The following NKPD1 variants were observed in gnomAD, a reference collection of about 807,000 sequenced individuals.
NKPD1 encodes the protein NTPase KAP family P-loop domain-containing protein 1.
A neutral mutation model predicts 42.2 loss-of-function variants in NKPD1; 37 were observed. The ratio of observed to expected loss-of-function variants is 0.88; its 90% CI spans 0.67 to 1.15. NKPD1 has a LOEUF of 1.15. Among genes scored for constraint, NKPD1 ranks in the 50% most tolerant of loss-of-function variants. The pLI is 0.00. For synonymous variants in NKPD1, 552 were observed against 536.5 expected (o/e 1.03, Z -0.40); for missense variants, 1,113 against 1,174.6 (o/e 0.95, Z 0.77).
rs34991759 is a variant in NKPD1 at position 45,157,719 on chromosome 19, C to CTTT, written c.529+941_529+943dup. 2.3e-3 allele frequency among the ~76,000 whole-genome samples: 189 copies of CTTT among 83,316 alleles called. 7 individuals are homozygous for CTTT. The highest frequency in any genetic ancestry group is 4.9e-3 in the African/African-American group (96 of 19,786). The allele number at this position is 83,316 out of a possible 152,430, so 54.7% of individuals were successfully genotyped here. A position where few individuals can be genotyped will look rare whatever the true frequency, so the allele number is the denominator to read the frequency against. On this transcript the variant is annotated intron_variant, in intron 3 of 4. Transcript: ENST00000686631. The stretch of plus-strand genomic sequence containing the variant: ...GCATGAGCCAGTGCGCCCAGACATA[C>CTTT]TTTTTTTTTTTTTTTTTTTTTTTGA...
chr19:45,153,671 A>G lies in NKPD1; in HGVS notation c.766T>C (p.Tyr256His). ...SGWGVPQLLW[Y>H]LVFLQPIITE... ...ATGATGGGCTGCAGGAACACCAGGT[A>G]CCACAGTAGCTGCGGGACGCCCCAG... is the stretch of plus-strand genomic sequence containing the variant. The change falls in exon 5 of 5, where the codon TAC becomes CAC. Residue 256 changes from tyrosine to histidine, a missense_variant. Coordinates refer to ENST00000686631, the MANE Select transcript of NKPD1 (RefSeq NM_198478.4). 1 of 1,571,242 alleles carries G rather than the reference A, an allele frequency of 6.4e-7. No individual in the cohort carries two copies. The highest frequency in any genetic ancestry group is 1.2e-5 in the South Asian group (1 of 86,296).
chr19:45,152,600 C>T lies in NKPD1; in HGVS notation c.1837G>A (p.Glu613Lys), dbSNP rs759030916. 3.8e-6 allele frequency: 6 copies of T among 1,582,892 alleles called. No homozygotes were observed. In the East Asian group the frequency reaches 9.3e-5, roughly 25 times the overall value. The change falls in exon 5 of 5, where the codon GAG becomes AAG. Residue 613 changes from glutamate (E) to lysine (K), a missense_variant. Glu to Lys is a moderately conservative substitution (Grantham distance 56). This residue lies in a region of NKPD1 where 867 missense variants were observed against 870.1 expected (regional missense o/e 1.00). Transcript: ENST00000686631. ...GACACCACGTTGTCGGGCACGTACT[C>T]GTAGAGGCAGTCGCGCTCGTCGTGA... is the stretch of plus-strand genomic sequence containing the variant. ...CLHDERDCLY[E>K]YVPDNVVSMR...
chr19:45,159,127 GGGCCTGTGTCCC>G, intron 2 of NKPD1, 27 bp from the exon 3 acceptor site: 1 of 1,256,388 alleles, frequency 8.0e-7, no homozygotes, highest in Non-Finnish European at 1.0e-6. Context: ...GGGGGTGACT[GGGCCTGTGTCCC>G]CGACCCCCGG....
Position 45,153,666 on chromosome 19 carries a change from C to T in NKPD1, c.771G>A (p.Leu257=). 6.4e-7 allele frequency: 1 copy of T among 1,574,632 alleles called. No individual in the cohort carries two copies. Among genetic ancestry groups the T allele is most frequent in the Non-Finnish European group, 8.6e-7 (1 of 1,160,382 alleles). Residue 257 remains leucine (L), a synonymous_variant, in exon 5 of 5, where the codon CTG becomes CTA. Transcript: ENST00000686631. ...GWGVPQLLWY[L]VFLQPIITEV... The stretch of plus-strand genomic sequence containing the variant: ...CGGTGATGATGGGCTGCAGGAACAC[C>T]AGGTACCACAGTAGCTGCGGGACGC...
At position 45,155,905 on chromosome 19, in the gene NKPD1, C is replaced by G. The variant is rs1968894484; in HGVS notation, c.541G>C (p.Glu181Gln). 1 of 1,304,922 alleles carries G rather than the reference C, an allele frequency of 7.7e-7. No homozygotes were observed. The highest frequency in any genetic ancestry group is 1.0e-6 in the Non-Finnish European group (1 of 988,654). The allele number at this position is 1,304,922 out of a possible 1,614,324, so 80.8% of individuals were successfully genotyped here. A position where few individuals can be genotyped will look rare whatever the true frequency, so the allele number is the denominator to read the frequency against. ...AGGCAGCTGCAGTAGACGTCATCCT[C>G]TGTCAGGATGTCTGGTGGTTGGGAG... The part of the protein sequence containing the change: ...FTAYSSDILT[E>Q]DDVYCSCLAK... The change falls in exon 4 of 5, where the codon GAG (glutamate) becomes CAG (glutamine). Residue 181 changes from glutamate to glutamine, a missense_variant. By Grantham distance (29) the Glu-to-Gln change is conservative. This residue lies in a region of NKPD1 where 42 missense variants were observed against 76.7 expected (regional missense o/e 0.55). Transcript: ENST00000686631.
In NKPD1 at chr19:45,150,308, T is replaced by C. The variant is rs1968755106; in HGVS notation, c.*1630A>G. On this transcript the variant is annotated 3_prime_UTR_variant, in exon 5 of 5. Coordinates refer to ENST00000686631, the MANE Select transcript of NKPD1 (RefSeq NM_198478.4). ...GGCTTCACCATGTTGGCCAGGCTGA[T>C]GCAGCTTCTTACTGAGGCATGGGGG... 2 of 152,202 alleles carry C rather than the reference T, an allele frequency of 1.3e-5. No individual in the cohort carries two copies. Among genetic ancestry groups the C allele is most frequent in the African/African-American group, 4.8e-5 (2 of 41,442 alleles). 9.4% of individuals were successfully genotyped at this position (152,202 alleles called of 1,614,324 possible).
intron 3 of NKPD1, 79 bp from the exon 4 acceptor site, chr19:45,155,995 C>T: frequency 8.2e-7 from 1 of 1,223,868 alleles, no homozygotes; most frequent in Non-Finnish European, 1.1e-6. Context: ...TCCATGGCCC[C>T]CACTATCAGC....
chr19:45,156,493 T>C lies in NKPD1; in HGVS notation c.530-577A>G, dbSNP rs946180639. Among the ~76,000 whole-genome samples, 13 of 152,318 alleles carry C rather than the reference T, an allele frequency of 8.5e-5. No individual in the cohort carries two copies. In the Middle Eastern group the frequency reaches 0.01, roughly 120 times the overall value. On this transcript the variant is annotated intron_variant, in intron 3 of 4. Transcript: ENST00000686631. ...CAGTCCCAGCCCCACCGCCTTTGTC[T>C]GCAGACCCCAGGGAGAGCCACCTCT...
chr19:45,152,695 C>T lies in NKPD1; in HGVS notation c.1742G>A (p.Gly581Glu). ...GATGCGGCCCTGCCCGCGCTCCGTC[C>T]CCGCCTGCGCCTGCACCGCCAGCAG... ...AQLLAVQAQA[G>E]TERGQGRIDD... The change falls in exon 5 of 5, where the codon GGG becomes GAG. Residue 581 changes from glycine (G) to glutamate (E), a missense_variant. Transcript: ENST00000686631. The T allele has an allele frequency of 6.4e-7, 1 of 1,550,538 alleles. No homozygotes were observed. The highest frequency in any genetic ancestry group is 8.7e-7 in the Non-Finnish European group (1 of 1,153,840).
chr19:45,155,738 G>A, intron 4 of NKPD1, 47 bp downstream of exon 4: 1 of 1,275,894 alleles, frequency 7.8e-7, no homozygotes, highest in South Asian at 1.3e-5. Context: ...GGGGACCAGA[G>A]GCCCTGTTTC....
chr19:45,160,691 G>A (rs996590222), intron 1 of NKPD1, among the ~76,000 whole-genome samples: 2 of 152,006 alleles, frequency 1.3e-5, no homozygotes, highest in African/African-American at 2.4e-5. Context: ...TACGGTGGAG[G>A]GGGAATTGTG....
chr19:45,153,112 C>T lies in NKPD1; in HGVS notation c.1325G>A (p.Cys442Tyr), dbSNP rs759762967. The stretch of plus-strand genomic sequence containing the variant: ...GCGCCGCTGGTAGATCTCCAGGAAG[C>T]ACAGGAAGTCGGTGAGCAGCTCCAC... ...KEVELLTDFLCFLEIYQRRRL... is the reference protein window; with the variant it reads ...KEVELLTDFLYFLEIYQRRRL... Residue 442 changes from cysteine to tyrosine, a missense_variant, in exon 5 of 5, where the codon TGC (cysteine) becomes TAC (tyrosine). Coordinates refer to ENST00000686631, the MANE Select transcript of NKPD1 (RefSeq NM_198478.4). 30 of 1,575,268 alleles carry T rather than the reference C, an allele frequency of 1.9e-5. No individual in the cohort carries two copies. The highest frequency in any genetic ancestry group is 2.5e-5 in the Non-Finnish European group (29 of 1,161,218).
chr19:45,153,101 T>C lies in NKPD1; in HGVS notation c.1336A>G (p.Ile446Val). The C allele has an allele frequency of 1.3e-6, 2 of 1,575,796 alleles. No homozygotes were observed. The highest frequency in any genetic ancestry group is 8.6e-7 in the Non-Finnish European group (1 of 1,161,374). The change falls in exon 5 of 5, where the codon ATC (isoleucine) becomes GTC (valine). Residue 446 changes from isoleucine (I) to valine (V), a missense_variant. Around this residue, in one of 3 missense-constraint regions of NKPD1, gnomAD observed 867 missense variants for 870.1 expected, o/e 1.00. Transcript: ENST00000686631. ...ACGCGCAGCCTGCGCCGCTGGTAGA[T>C]CTCCAGGAAGCACAGGAAGTCGGTG... ...LLTDFLCFLE[I>V]YQRRRLRVVL...
At position 45,152,916 on chromosome 19, in the gene NKPD1, G is replaced by A. The variant is rs1176196196; in HGVS notation, c.1521C>T (p.Asn507=). 1 of 1,580,520 alleles carries A rather than the reference G, an allele frequency of 6.3e-7. No homozygotes were observed. ...AGCCGTTATCGGCCGTGCCCTTCAT[G>A]TTGCCCGCGCTCTCTAGGCACGCGG... The part of the protein sequence containing the change: ...ILAACLESAG[N]MKGTADNGYL... The change falls in exon 5 of 5, where the codon AAC becomes AAT. Residue 507 remains asparagine (N), a synonymous_variant. Coordinates refer to ENST00000686631, the MANE Select transcript of NKPD1 (RefSeq NM_198478.4).
At position 45,159,117 on chromosome 19, in the gene NKPD1, G is replaced by A. The variant is rs1412115240; in HGVS notation, c.92-17C>T. On this transcript the variant is annotated splice_polypyrimidine_tract_variant and intron_variant, in intron 2 of 4. Coordinates refer to ENST00000686631, the MANE Select transcript of NKPD1 (RefSeq NM_198478.4). ...GACAGCATCCTGGAAGGAAGGAAGT[G>A]GGGGTGACTGGGCCTGTGTCCCCGA... 1 of 1,267,296 alleles carries A rather than the reference G, an allele frequency of 7.9e-7. No individual in the cohort carries two copies. Among genetic ancestry groups the A allele is most frequent in the Non-Finnish European group, 1.0e-6 (1 of 980,114 alleles). 78.5% of individuals were successfully genotyped at this position (1,267,296 alleles called of 1,614,324 possible).
chr19:45,152,727 G>A lies in NKPD1; in HGVS notation c.1710C>T (p.Ser570=). ...PWLPGDAGGE[S]AQLLAVQAQA... ...GCGCCTGCACCGCCAGCAGCTGCGC[G>A]CTCTCGCCCCCGGCGTCCCCCGGCA... The change falls in exon 5 of 5, where the codon AGC becomes AGT. Residue 570 remains serine (S), a synonymous_variant. Transcript: ENST00000686631. The A allele has an allele frequency of 1.3e-6, 2 of 1,576,096 alleles. No homozygotes were observed. The highest frequency in any genetic ancestry group is 1.1e-5 in the South Asian group (1 of 87,202).
In NKPD1 at chr19:45,152,382, C is replaced by T. The variant is rs974870443; in HGVS notation, c.2055G>A (p.Glu685=). ...AAACGTCCCAGAGGCGCGCGCGGCC[C>T]TCGGGCGCGCCCCCGGTCTGCTGCC... ...EDRQQTGGAP[E]GRARLWDVFR... Residue 685 remains glutamate (E), a synonymous_variant, in exon 5 of 5, where the codon GAG becomes GAA. Coordinates refer to ENST00000686631, the MANE Select transcript of NKPD1 (RefSeq NM_198478.4). 3 of 1,583,924 alleles carry T rather than the reference C, an allele frequency of 1.9e-6. No individual in the cohort carries two copies. In the African/African-American group the frequency reaches 4.1e-5, roughly 22 times the overall value.
Position 45,151,803 on chromosome 19 carries a change from G to C in NKPD1, c.*135C>G. 1.0e-6 allele frequency: 1 copy of C among 959,334 alleles called. No individual in the cohort carries two copies. The highest frequency in any genetic ancestry group is 1.5e-6 in the Non-Finnish European group (1 of 680,090). 59.4% of individuals were successfully genotyped at this position (959,334 alleles called of 1,614,324 possible). ...CTTGGAAGCTATGTCCACGGCTCTG[G>C]CTCAGGTTCACCTGGGGGTGTGGGC... On this transcript the variant is annotated 3_prime_UTR_variant, in exon 5 of 5. Coordinates refer to ENST00000686631, the MANE Select transcript of NKPD1 (RefSeq NM_198478.4).
In NKPD1 at chr19:45,152,553, G is replaced by A. The variant is rs1968808332; in HGVS notation, c.1884C>T (p.Thr628=). 4.4e-6 allele frequency: 7 copies of A among 1,585,384 alleles called. No individual in the cohort carries two copies. The South Asian group carries it at 5.6e-5, about 13-fold the overall frequency. Reference sequence around the variant, plus strand: ...GCAGCAGGCGCACGGTGATGGGCACGGTGTTGACGATGCGCCGCATGGACA... The same window carrying A: ...GCAGCAGGCGCACGGTGATGGGCACAGTGTTGACGATGCGCCGCATGGACA... ...NVVSMRRIVN[T]VPITVRLLQQ... is the part of the protein sequence containing the mutation. Residue 628 remains threonine, a synonymous_variant, in exon 5 of 5, where the codon ACC becomes ACT. Coordinates refer to ENST00000686631, the MANE Select transcript of NKPD1 (RefSeq NM_198478.4).
Sources: gnomAD v4.1 joint callset for allele counts (sites outside exome capture counted in the v4.1 genomes callset) on GRCh38, gnomAD v4.1.1 for gene constraint, gnomAD v4.1.1 regional missense constraint, MANE v1.5 for transcripts, NCBI Gene and HGNC (gene_info 2026-07-23, HGNC 2026-07-21) for gene names.